RAMP1: variants seen among roughly 807,000 people sequenced by gnomAD.
RAMP1 encodes the protein receptor activity modifying protein 1.
A neutral mutation model predicts 8.2 loss-of-function variants in RAMP1; 7 were observed. The ratio of observed to expected loss-of-function variants is 0.85; its 90% confidence interval spans 0.49 to 1.60. The LOEUF is 1.60. Among genes scored for constraint, RAMP1 ranks in the 40% most tolerant of loss-of-function variants. The pLI is 0.00. For synonymous variants in RAMP1, 92 were observed against 84.7 expected (o/e 1.09, Z -0.47); for missense variants, 192 against 202.4 (o/e 0.95, Z 0.31).
intron 2 of RAMP1, among the ~76,000 whole-genome samples, chr2:237,893,428 C>G (rs2062506261): frequency 6.6e-6 from 1 of 152,210 alleles, no homozygotes; most frequent in Non-Finnish European, 1.5e-5. Flanking sequence ...GGACCGGACA[C>G]TGACATTCCC....
At chr2:237,885,744 A>G (rs2062422261) in intron 2 of RAMP1, among the ~76,000 whole-genome samples, 1 of 152,140 alleles carries the variant, frequency 6.6e-6, no homozygotes, top group African/African-American at 2.4e-5. Flanking sequence ...TGTCTGCACC[A>G]GGCGTGAAGC....
At chr2:237,899,072 A>AT (rs11431782) in intron 2 of RAMP1, among the ~76,000 whole-genome samples, 115,958 of 148,776 alleles carry the variant, frequency 0.78, 45,169 homozygotes, top group East Asian at 0.89. Context: ...TGAGACAGTG[A>AT]TTTTTTTTTT....
At chr2:237,897,358 G>C (rs2062551636) in intron 2 of RAMP1, among the ~76,000 whole-genome samples, 1 of 152,220 alleles carries the variant, frequency 6.6e-6, no homozygotes. Context: ...TGCAGAGAGG[G>C]CTGGCCATTT....
At chr2:237,882,489 A>G (rs779161628) in intron 2 of RAMP1, among the ~76,000 whole-genome samples, 8 of 152,134 alleles carry the variant, frequency 5.3e-5, no homozygotes, top group Non-Finnish European at 1.0e-4. Context: ...CCAGGCTCGC[A>G]CAGCTGGTAC....
intron 1 of RAMP1, 199 bp downstream of exon 1, chr2:237,859,926 C>G (rs945904012): frequency 2.0e-6 from 1 of 488,638 alleles, no homozygotes; most frequent in Non-Finnish European, 3.5e-6. Context: ...GCGGAGGGCG[C>G]GGACCGGTGT....
intron 2 of RAMP1, among the ~76,000 whole-genome samples, chr2:237,894,483 G>A (rs2062517920): frequency 6.6e-6 from 1 of 152,170 alleles, no homozygotes; most frequent in South Asian, 2.1e-4. Context: ...AGGGCCCTTT[G>A]GGCAGCCGCA....
chr2:237,874,992 G>A (rs145959134), intron 1 of RAMP1, among the ~76,000 whole-genome samples: 4 of 152,172 alleles, frequency 2.6e-5, no homozygotes, highest in South Asian at 2.1e-4. Flanking sequence ...GAGAAAGGCA[G>A]TGGGGGGCGG....
chr2:237,891,154 CTTT>C (rs1169507970), intron 2 of RAMP1, among the ~76,000 whole-genome samples: 2 of 143,704 alleles, frequency 1.4e-5, no homozygotes, highest in Non-Finnish European at 1.5e-5. Context: ...ATTGTATTCT[CTTT>C]TTTTTTTTTT....
At chr2:237,874,250 G>T (rs774055091) in intron 1 of RAMP1, among the ~76,000 whole-genome samples, 1 of 152,258 alleles carries the variant, frequency 6.6e-6, no homozygotes, top group East Asian at 1.9e-4. Flanking sequence ...GACAGCAGGA[G>T]ATTGACCTGA....
rs567782868 is a variant in RAMP1 at position 237,885,328 on chromosome 2, C to T, written c.191+7966C>T. Among the ~76,000 whole-genome samples the T allele has an allele frequency of 5.9e-5, 9 of 152,340 alleles. No homozygotes were observed. The South Asian group carries it at 1.7e-3, about 28-fold the overall frequency. ...GATGGGCTGTTCACAGAGCCCTGCC[C>T]GCCGCCTGCCCCTGCCCGGAGGCCT... is the stretch of plus-strand genomic sequence containing the variant. On this transcript the variant is annotated intron_variant, in intron 2 of 2. Transcript: ENST00000254661.
At chr2:237,882,725 G>A (rs1008962436) in intron 2 of RAMP1, among the ~76,000 whole-genome samples, 13 of 150,932 alleles carry the variant, frequency 8.6e-5, no homozygotes, top group African/African-American at 3.2e-4. Flanking sequence ...TTCTAGGGTG[G>A]GCAAGTTTGT....
At chr2:237,863,696 G>A (rs1009441272) in intron 1 of RAMP1, among the ~76,000 whole-genome samples, 2 of 151,800 alleles carry the variant, frequency 1.3e-5, no homozygotes, top group South Asian at 2.1e-4. Flanking sequence ...GGTCCAGGGG[G>A]ACACACTAGC....
At position 237,911,841 on chromosome 2, in the gene RAMP1, T is replaced by C. The variant is rs2062719882; in HGVS notation, c.*58T>C. ...GCTGCAGGGTGAGGCCAGGCAGGCC[T>C]GGGTAGGGGCAGCTTCTGGAGCCTT... On this transcript the variant is annotated 3_prime_UTR_variant, in exon 3 of 3. Transcript: ENST00000254661. The C allele has an allele frequency of 2.6e-6, 4 of 1,530,248 alleles. No homozygotes were observed. The highest frequency in any genetic ancestry group is 1.8e-6 in the Non-Finnish European group (2 of 1,134,626). The allele number at this position is 1,530,248 out of a possible 1,614,324, so 94.8% of individuals were successfully genotyped here. A position where few individuals can be genotyped will look rare whatever the true frequency, so the allele number is the denominator to read the frequency against.
chr2:237,882,936 C>T (rs1184685582), intron 2 of RAMP1, among the ~76,000 whole-genome samples: 1 of 152,100 alleles, frequency 6.6e-6, no homozygotes, highest in African/African-American at 2.4e-5. Context: ...GGAATGCTCC[C>T]AGCCCAAGCA....
At chr2:237,891,854 CAG>C (rs1354090729) in intron 2 of RAMP1, among the ~76,000 whole-genome samples, 1 of 152,064 alleles carries the variant, frequency 6.6e-6, no homozygotes, top group African/African-American at 2.4e-5. Flanking sequence ...TCTTTTTTCT[CAG>C]AGATATTTGC....
intron 2 of RAMP1, among the ~76,000 whole-genome samples, chr2:237,911,066 GCA>G (rs1206380576): frequency 2.0e-5 from 3 of 150,716 alleles, no homozygotes; most frequent in African/African-American, 7.3e-5. Flanking sequence ...ACACACAGTC[GCA>G]CACAGAATAA....
At chr2:237,899,051 T>C (rs1001077355) in intron 2 of RAMP1, among the ~76,000 whole-genome samples, 3 of 148,458 alleles carry the variant, frequency 2.0e-5, no homozygotes, top group African/African-American at 7.5e-5. Flanking sequence ...ATGGGGTGCA[T>C]GCTATTGGTT....
intron 2 of RAMP1, among the ~76,000 whole-genome samples, chr2:237,904,869 T>C (rs1203095135): frequency 6.6e-6 from 1 of 152,164 alleles, no homozygotes; most frequent in East Asian, 1.9e-4. Flanking sequence ...CCCAGGTCTA[T>C]GGGTGACAGG....
At chr2:237,864,931 G>T (rs1018340632) in intron 1 of RAMP1, among the ~76,000 whole-genome samples, 1 of 152,228 alleles carries the variant, frequency 6.6e-6, no homozygotes, top group Non-Finnish European at 1.5e-5. Context: ...GCATGGTGGG[G>T]AAGAGGGCTT....
Sources: allele counts gnomAD v4.1 joint callset (sites outside exome capture counted in the v4.1 genomes callset), GRCh38; gene constraint gnomAD v4.1.1; transcripts MANE v1.5; gene names NCBI Gene and HGNC (gene_info 2026-07-23, HGNC 2026-07-21).